Variants in LRRFIP2 observed in about 807,000 individuals in gnomAD.
LRRFIP2 encodes the protein leucine-rich repeat flightless-interacting protein 2.
In LRRFIP2, 109 loss-of-function variants were observed where a neutral mutation model predicts 125.9. The observed-to-expected ratio is 0.87, with a 90% CI of 0.74 to 1.01. The LOEUF is 1.01. LRRFIP2 is among the 50% of genes least tolerant of loss of function. The probability of loss-of-function intolerance (pLI) is 0.00; values close to 1 mark genes in which losing one functional copy is unlikely to be tolerated. For missense variants in LRRFIP2, 850 were observed against 862.3 expected (o/e 0.99, Z 0.18); for synonymous variants, 291 against 293.1 (o/e 0.99, Z 0.07).
At chr3:37,173,760 A>G (rs922694365) in intron 1 of LRRFIP2, among the ~76,000 whole-genome samples, 13 of 152,218 alleles carry the variant, frequency 8.5e-5, no homozygotes, top group African/African-American at 3.1e-4. Context: ...CAGGGTAAAC[A>G]ATCCACAAAG....
At chr3:37,088,493 A>G (rs903582476) in intron 18 of LRRFIP2, among the ~76,000 whole-genome samples, 1 of 150,030 alleles carries the variant, frequency 6.7e-6, no homozygotes, top group African/African-American at 2.5e-5. Context: ...CCTGAGCAAC[A>G]TGGTGAGACT....
At chr3:37,062,677 TG>T (rs1464829709) in intron 24 of LRRFIP2, among the ~76,000 whole-genome samples, 1 of 152,076 alleles carries the variant, frequency 6.6e-6, no homozygotes, top group African/African-American at 2.4e-5. Context: ...AATGAAGAAA[TG>T]TCCTTTTAAA....
intron 24 of LRRFIP2, among the ~76,000 whole-genome samples, chr3:37,063,445 A>C (rs1417141163): frequency 1.3e-5 from 2 of 152,246 alleles, no homozygotes; most frequent in Non-Finnish European, 2.9e-5. Context: ...GAATCAGCTA[A>C]AAGTATTTAA....
chr3:37,175,023 G>A (rs9824551), upstream of LRRFIP2: 4,975 of 152,252 alleles, frequency 0.033, 231 homozygotes, highest in African/African-American at 0.1. Flanking sequence ...AACAACCGTG[G>A]AGTCCCTGCC....
intron 1 of LRRFIP2, among the ~76,000 whole-genome samples, chr3:37,167,191 T>C (rs1310992365): frequency 3.4e-5 from 4 of 117,654 alleles, no homozygotes; most frequent in Non-Finnish European, 7.2e-5. Context: ...AGCAAAATCT[T>C]GTCTCCAAAA....
Position 37,065,957 on chromosome 3 carries a change from A to G in LRRFIP2, c.1567-15T>C, listed in dbSNP as rs114885853. The G allele has an allele frequency of 2.1e-3, 3,344 of 1,614,008 alleles. 64 individuals carry two copies. In the African/African-American group the frequency reaches 0.038, roughly 18 times the overall value. On this transcript the variant is annotated splice_polypyrimidine_tract_variant and intron_variant, in intron 22 of 27. Transcript: ENST00000336686. ...AAGCCATGTTTCTGCAGGGGGGAAA[A>G]ACCCACCATCACAAAAGGCCCGTAT...
chr3:37,123,144 C>A (rs1486534119), intron 4 of LRRFIP2, among the ~76,000 whole-genome samples: 1 of 152,190 alleles, frequency 6.6e-6, no homozygotes, highest in African/African-American at 2.4e-5. Context: ...GTATTCTGAT[C>A]TTTAGGAATT....
rs1444538964 is a variant in LRRFIP2, at chr3:37,121,524, C to T, written c.298G>A (p.Ala100Thr). 3.1e-6 allele frequency: 5 copies of T among 1,613,962 alleles called. No homozygotes were observed. Among genetic ancestry groups the T allele is most frequent in the Non-Finnish European group, 4.2e-6 (5 of 1,179,838 alleles). ...HHRPYLGVEDALSIRSVGSHR... is the reference protein window; with the variant it reads ...HHRPYLGVEDTLSIRSVGSHR... ...CTGCCAACACTTCGAATGGACAATG[C>T]ATCCTCAACTCCCTGATAAAAATGA... The change falls in exon 6 of 28, where the codon GCA becomes ACA. Residue 100 changes from alanine (A) to threonine (T), a missense_variant. Physicochemically the swap from Ala to Thr is moderately conservative, Grantham distance 58. Transcript: ENST00000336686.
rs1409835381 is a variant in LRRFIP2, at chr3:37,053,969, CAG to C, written c.2056-10_2056-9del. 9 of 1,505,918 alleles carry C rather than the reference CAG, an allele frequency of 6.0e-6. No homozygotes were observed. The Admixed American group carries it at 1.0e-4, about 17-fold the overall frequency. The allele number at this position is 1,505,918 out of a possible 1,614,324, so 93.3% of individuals were successfully genotyped here. On this transcript the variant is annotated splice_polypyrimidine_tract_variant and intron_variant, in intron 27 of 27. Transcript: ENST00000336686. The stretch of plus-strand genomic sequence containing the variant: ...GTCCAGTGCTGTTCGTAACTGGAGA[CAG>C]GGAGAATGCAGTCACTACATGTGGT...
At chr3:37,121,881 TGTGTG>T (rs1252198448) in intron 4 of LRRFIP2, among the ~76,000 whole-genome samples, 190 bp from the exon 5 acceptor site, 1 of 133,130 alleles carries the variant, frequency 7.5e-6, no homozygotes, top group African/African-American at 2.7e-5. Context: ...TGTGTGTGTG[TGTGTG>T]TAAGTTTCAA....
chr3:37,147,407 T>C (rs896943861), intron 2 of LRRFIP2, among the ~76,000 whole-genome samples: 19 of 152,248 alleles, frequency 1.2e-4, no homozygotes, highest in African/African-American at 4.1e-4. Context: ...GTACGTTCAC[T>C]GGAGCACTAT....
chr3:37,070,713 G>C (rs1251392407), intron 21 of LRRFIP2, among the ~76,000 whole-genome samples: 1 of 152,098 alleles, frequency 6.6e-6, no homozygotes, highest in African/African-American at 2.4e-5. Context: ...CTTGGGGAGA[G>C]AGAGAGATTC....
intron 1 of LRRFIP2, among the ~76,000 whole-genome samples, chr3:37,152,867 TC>T (rs2096071460): frequency 6.6e-6 from 1 of 152,188 alleles, no homozygotes; most frequent in Non-Finnish European, 1.5e-5. Flanking sequence ...TATGGTATCA[TC>T]CAATATTTGT....
chr3:37,143,024 T>C (rs1347448846), intron 2 of LRRFIP2, among the ~76,000 whole-genome samples: 5 of 152,138 alleles, frequency 3.3e-5, no homozygotes, highest in African/African-American at 1.2e-4. Context: ...GAGATCTGGC[T>C]GTCCCCCTTG....
intron 2 of LRRFIP2, among the ~76,000 whole-genome samples, chr3:37,145,144 C>T (rs1027093404): frequency 6.6e-6 from 1 of 152,128 alleles, no homozygotes; most frequent in East Asian, 1.9e-4. Context: ...TGTTTAACCA[C>T]TTTAAGTTTT....
At chr3:37,058,657 AGAGT>A (rs2087613162) in intron 25 of LRRFIP2, 129 bp downstream of exon 25, 2 of 897,078 alleles carry the variant, frequency 2.2e-6, no homozygotes, top group Non-Finnish European at 3.4e-6. Flanking sequence ...CCTGGGTGAC[AGAGT>A]GAGACTCCCA....
chr3:37,091,602 G>A (rs1304948112), intron 17 of LRRFIP2, 64 bp from the exon 18 acceptor site: 2 of 1,149,774 alleles, frequency 1.7e-6, no homozygotes, highest in East Asian at 4.9e-5. Flanking sequence ...AATCGCAAAG[G>A]ATTCAGATGA....
chr3:37,134,278 T>A (rs2095502531), intron 2 of LRRFIP2, among the ~76,000 whole-genome samples: 2 of 152,146 alleles, frequency 1.3e-5, no homozygotes, highest in African/African-American at 4.8e-5. Flanking sequence ...CTTTTAAATT[T>A]GTAGAATATT....
At chr3:37,116,772 T>C (rs1365073203) in intron 6 of LRRFIP2, among the ~76,000 whole-genome samples, 2 of 152,142 alleles carry the variant, frequency 1.3e-5, no homozygotes, top group Admixed American at 1.3e-4. Context: ...ACAAAAAACA[T>C]TGCAGAAACC....
Sources: gnomAD v4.1 joint callset for allele counts (sites outside exome capture counted in the v4.1 genomes callset) on GRCh38, gnomAD v4.1.1 for gene constraint, MANE v1.5 for transcripts, NCBI Gene and HGNC (gene_info 2026-07-23, HGNC 2026-07-21) for gene names.